The following LRP1B variants were observed in gnomAD, a reference collection of about 807,000 sequenced individuals.
LRP1B encodes the protein low-density lipoprotein receptor-related protein 1B.
LRP1B carries 217 observed loss-of-function variants against 556.6 expected under a neutral mutation model. The observed-to-expected ratio is 0.39, with a 90% confidence interval of 0.35 to 0.44. LRP1B has a LOEUF of 0.44. Ranked by LOEUF, LRP1B falls within the 20% of genes least tolerant of loss-of-function variation. LRP1B has a pLI of 1.00. For synonymous variants in LRP1B, 2,047 were observed against 1,865.8 expected, an observed-to-expected ratio of 1.10 and a Z score of -2.50; for missense variants, 5,053 against 5,620.8, an observed-to-expected ratio of 0.90 and a Z score of 3.23.
intron 1 of LRP1B, among the ~76,000 whole-genome samples, chr2:142,030,338 C>T (rs1207758588): frequency 6.6e-6 from 1 of 151,878 alleles, no homozygotes; most frequent in Non-Finnish European, 1.5e-5. Context: ...TGAATAACCA[C>T]TGCTAAACAT....
intron 43 of LRP1B, among the ~76,000 whole-genome samples, chr2:140,588,541 A>G (rs542349800): frequency 1.3e-4 from 20 of 152,384 alleles, no homozygotes; most frequent in Non-Finnish European, 1.2e-4. Flanking sequence ...AACTTTGAAA[A>G]TCAAGGCTGT....
intron 83 of LRP1B, among the ~76,000 whole-genome samples, chr2:140,304,948 C>G (rs1684003086): frequency 6.6e-6 from 1 of 152,048 alleles, no homozygotes; most frequent in Admixed American, 6.6e-5. Flanking sequence ...TCAGGTTTGT[C>G]AGAGATCAGA....
Position 141,742,631 on chromosome 2 carries a change from A to AT in LRP1B, c.205+67647dup, listed in dbSNP as rs917311338. ...TTTGTGATTCCATATACATTTTAGG[A>AT]TTTTTTTTTGATTTCTGTGAAGAAT... On this transcript the variant is annotated intron_variant, in intron 2 of 90. Transcript: ENST00000389484. 6.5e-4 allele frequency among the ~76,000 whole-genome samples: 99 copies of AT among 151,212 alleles called. 1 individual carries two copies. The highest frequency in any genetic ancestry group is 3.4e-3 in the Middle Eastern group (1 of 292).
At position 140,702,234 on chromosome 2, in the gene LRP1B, T is replaced by A. The variant is rs2105428735; in HGVS notation, c.6209A>T (p.Glu2070Val). ...CACCATCTCGCGATTCCCTCCAGTC[T>A]CAAGGTCGATTCTCTCTATCTTGTC... ...RTDKIERIDL[E>V]TGGNREMVLS... Residue 2070 changes from glutamate to valine, a missense_variant, in exon 39 of 91, where the codon GAG (glutamate) becomes GTG (valine). This residue lies in a region of LRP1B where 3,619 missense variants were observed against 3,931.9 expected (regional missense o/e 0.92). Transcript: ENST00000389484. 4 of 1,613,784 alleles carry A rather than the reference T, an allele frequency of 2.5e-6. No homozygotes were observed. The highest frequency in any genetic ancestry group is 3.4e-6 in the Non-Finnish European group (4 of 1,179,796).
chr2:141,717,055 AT>A (rs1455823012), intron 2 of LRP1B, among the ~76,000 whole-genome samples: 3 of 152,026 alleles, frequency 2.0e-5, no homozygotes, highest in African/African-American at 7.2e-5. Context: ...ATATCTTCTC[AT>A]TTGTACTTGC....
intron 2 of LRP1B, among the ~76,000 whole-genome samples, chr2:141,765,019 G>A (rs191750683): frequency 2.0e-4 from 30 of 152,208 alleles, no homozygotes; most frequent in African/African-American, 6.0e-4. Context: ...GATAAAATGA[G>A]TTTCTTGGGA....
chr2:141,400,480 A>G (rs968160491), intron 3 of LRP1B, among the ~76,000 whole-genome samples: 5 of 152,210 alleles, frequency 3.3e-5, no homozygotes, highest in African/African-American at 1.2e-4. Context: ...GTGCTGTCCA[A>G]GGAATTATAG....
At chr2:140,627,958 A>G (rs117398055) in intron 41 of LRP1B, among the ~76,000 whole-genome samples, 1,927 of 152,308 alleles carry the variant, frequency 0.013, 126 homozygotes, top group Admixed American at 0.097. Flanking sequence ...TAGAGACTCA[A>G]TTTTGTGCCT....
At chr2:140,720,121 C>T (rs954878129) in intron 35 of LRP1B, among the ~76,000 whole-genome samples, 7 of 151,838 alleles carry the variant, frequency 4.6e-5, no homozygotes, top group Non-Finnish European at 8.8e-5. Context: ...TACTTATTTC[C>T]AAATATATTT....
chr2:141,346,600 C>T (rs144018430), intron 3 of LRP1B, among the ~76,000 whole-genome samples: 1,786 of 152,164 alleles, frequency 0.012, 23 homozygotes, highest in Middle Eastern at 0.02. Flanking sequence ...ATACCCTGAA[C>T]GAAACCTGTT....
chr2:141,141,606 AAATTT>A (rs1476980041), intron 7 of LRP1B, among the ~76,000 whole-genome samples: 3 of 152,198 alleles, frequency 2.0e-5, no homozygotes, highest in East Asian at 3.8e-4. Context: ...ATGTCAACTT[AAATTT>A]AATTACCACA....
In LRP1B at chr2:140,979,437, TTAC is replaced by T. The variant is rs568469785; in HGVS notation, c.2887+2720_2887+2722del. On this transcript the variant is annotated intron_variant, in intron 18 of 90. Transcript: ENST00000389484. ...TGAGACTTCTAATTTCCTGATAATT[TTAC>T]TACATTGCTCTTGAAGTTATTTGTG... is the stretch of plus-strand genomic sequence containing the variant. Among the ~76,000 whole-genome samples the T allele has an allele frequency of 3.9e-5, 6 of 152,308 alleles. No homozygotes were observed. In the South Asian group the frequency reaches 1.2e-3, roughly 32 times the overall value.
intron 11 of LRP1B, among the ~76,000 whole-genome samples, chr2:141,037,026 CCT>C (rs1491480809): frequency 6.6e-6 from 1 of 151,908 alleles, no homozygotes; most frequent in African/African-American, 2.4e-5. Context: ...GAAAAGAGAA[CCT>C]TTTTTTGCAT....
chr2:141,298,665 G>GT (rs1686277561), intron 3 of LRP1B, among the ~76,000 whole-genome samples: 1 of 151,952 alleles, frequency 6.6e-6, no homozygotes, highest in Non-Finnish European at 1.5e-5. Flanking sequence ...GTAATAAACT[G>GT]TAAGTGAGGC....
chr2:141,940,011 A>ACATTCTTTTGAAG lies in LRP1B; in HGVS notation c.83-129611_83-129610insCTTCAAAAGAATG, dbSNP rs1700749775. On this transcript the variant is annotated intron_variant, in intron 1 of 90. Transcript: ENST00000389484. ...ACCTAAAAGTAAGTGATAAACATTA[A>ACATTCTTTTGAAG]ATCTCAAGTCCTCAGTATAAGGATT... Among the ~76,000 whole-genome samples, 4 of 151,824 alleles carry ACATTCTTTTGAAG rather than the reference A, an allele frequency of 2.6e-5. No homozygotes were observed. The South Asian group carries it at 8.3e-4, about 31-fold the overall frequency.
At chr2:141,004,859 C>T (rs1697523443) in intron 15 of LRP1B, among the ~76,000 whole-genome samples, 1 of 151,996 alleles carries the variant, frequency 6.6e-6, no homozygotes, top group Non-Finnish European at 1.5e-5. Context: ...TGCCTTTAAT[C>T]CAGATCAATC....
intron 47 of LRP1B, among the ~76,000 whole-genome samples, chr2:140,531,596 C>G (rs1212741894): frequency 3.3e-5 from 5 of 152,144 alleles, no homozygotes; most frequent in Non-Finnish European, 5.9e-5. Flanking sequence ...TCTTCCTCAA[C>G]TCTGCATAGT....
At chr2:141,372,546 T>C (rs894723451) in intron 3 of LRP1B, among the ~76,000 whole-genome samples, 2 of 152,032 alleles carry the variant, frequency 1.3e-5, no homozygotes, top group Admixed American at 6.6e-5. Flanking sequence ...GATTTTTTTT[T>C]ATTACTTATT....
chr2:140,809,066 G>A (rs1173922435), intron 32 of LRP1B, among the ~76,000 whole-genome samples: 5 of 151,796 alleles, frequency 3.3e-5, no homozygotes, highest in Non-Finnish European at 5.9e-5. Flanking sequence ...AATGTCACCA[G>A]TATAAATGAT....
Sources: gnomAD v4.1 joint callset for allele counts (sites outside exome capture counted in the v4.1 genomes callset) on GRCh38, gnomAD v4.1.1 for gene constraint, gnomAD v4.1.1 regional missense constraint, MANE v1.5 for transcripts, NCBI Gene and HGNC (gene_info 2026-07-23, HGNC 2026-07-21) for gene names.